PTPRU: variants seen among roughly 807,000 people sequenced by gnomAD.
PTPRU encodes receptor-type tyrosine-protein phosphatase U.
A neutral mutation model predicts 166.3 loss-of-function variants in PTPRU; 69 were observed. The ratio of observed to expected loss-of-function variants is 0.41; its 90% CI spans 0.34 to 0.51. The LOEUF is 0.51. Among genes scored for constraint, PTPRU ranks in the 20% least tolerant of loss-of-function variants. The pLI is 0.09. For synonymous variants in PTPRU, 793 were observed against 814.0 expected, an observed-to-expected ratio of 0.97 and a Z score of 0.44; for missense variants, 1,657 against 2,013.7, an observed-to-expected ratio of 0.82 and a Z score of 3.39.
Position 29,272,305 on chromosome 1 carries a change from G to T in PTPRU, c.1145-3143G>T, listed in dbSNP as rs547021380. 4.2e-4 allele frequency among the ~76,000 whole-genome samples: 64 copies of T among 152,330 alleles called. 1 individual carries two copies. Among genetic ancestry groups the T allele is most frequent in the African/African-American group, 1.5e-3 (61 of 41,570 alleles). ...CAGCCAGCCCCTCAGTGTCCATATG[G>T]GATGGGATTTGGGTGGTCCCTGCTT... On this transcript the variant is annotated intron_variant, in intron 7 of 29. Transcript: ENST00000373779.
At chr1:29,283,759 T>C in intron 12 of PTPRU, 181 bp from the exon 13 acceptor site, 1 of 676,826 alleles carries the variant, frequency 1.5e-6, no homozygotes. Context: ...TGCAGGTGCC[T>C]CCCCTCTAGG....
In PTPRU at chr1:29,275,503, G is replaced by A. The variant is rs758595009; in HGVS notation, c.1200G>A (p.Leu400=). ...LAFAEIQARQ[L]TLQWEPLGYN... ...TTGCTGAGATCCAGGCCCGTCAGCT[G>A]ACCCTGCAGTGGGAACCACTGGGCT... The change falls in exon 8 of 30, where the codon CTG becomes CTA. Residue 400 remains leucine (L), a synonymous_variant. Coordinates refer to ENST00000373779, the MANE Select transcript of PTPRU (RefSeq NM_133178.4). 2 of 1,614,172 alleles carry A rather than the reference G, an allele frequency of 1.2e-6. No individual in the cohort carries two copies. The highest frequency in any genetic ancestry group is 1.7e-6 in the Non-Finnish European group (2 of 1,180,028).
chr1:29,322,184 C>T (rs989399099), intron 26 of PTPRU, among the ~76,000 whole-genome samples: 1 of 152,314 alleles, frequency 6.6e-6, no homozygotes, highest in East Asian at 1.9e-4. Context: ...AGGGGAGAGG[C>T]CCAGAGGGAG....
chr1:29,259,825 C>T (rs769195379), intron 5 of PTPRU, 45 bp from the exon 6 acceptor site: 773 of 1,494,506 alleles, frequency 5.2e-4, no homozygotes, highest in Non-Finnish European at 6.4e-4. Context: ...GATCGGGACC[C>T]CTCGCTCCGA....
intron 22 of PTPRU, 126 bp downstream of exon 22, chr1:29,312,832 G>A (rs1687729489): frequency 7.8e-7 from 1 of 1,275,188 alleles, no homozygotes; most frequent in Non-Finnish European, 1.0e-6. Flanking sequence ...GAGATGGAGT[G>A]CAGGAGGGAA....
chr1:29,273,832 T>C (rs1317027596), intron 7 of PTPRU, among the ~76,000 whole-genome samples: 3 of 152,106 alleles, frequency 2.0e-5, no homozygotes, highest in Non-Finnish European at 2.9e-5. Context: ...TGAATTCCTA[T>C]TGGGGAGGTG....
At chr1:29,290,983 C>T (rs760603242) in intron 14 of PTPRU, among the ~76,000 whole-genome samples, 55 of 152,306 alleles carry the variant, frequency 3.6e-4, no homozygotes, top group Middle Eastern at 3.4e-3. Context: ...TGCTCAGTGA[C>T]GGGTCCTCTC....
rs1253003851 is a variant in PTPRU at position 29,279,389 on chromosome 1, G to A, written c.1564-67G>A. On this transcript the variant is annotated intron_variant, in intron 9 of 29. Coordinates refer to ENST00000373779, the MANE Select transcript of PTPRU (RefSeq NM_133178.4). The surrounding 1 kb of genome is among the most constrained non-coding windows in gnomAD (Gnocchi z 5.2). ...CTCTCACTTCCCTGGGACATGGTGG[G>A]TGGAGGCTGCTGGTCAGGGATGCTC... 14 of 1,502,266 alleles carry A rather than the reference G, an allele frequency of 9.3e-6. No individual in the cohort carries two copies. Among genetic ancestry groups the A allele is most frequent in the Non-Finnish European group, 1.3e-5 (14 of 1,080,172 alleles). The allele number at this position is 1,502,266 out of a possible 1,614,324, so 93.1% of individuals were successfully genotyped here.
rs149742017 is a variant in PTPRU at position 29,317,852 on chromosome 1, C to T, written c.3618C>T (p.Asp1206=). The T allele has an allele frequency of 6.1e-5, 99 of 1,614,046 alleles. No individual in the cohort carries two copies. In the African/African-American group the frequency reaches 1.1e-3, roughly 18 times the overall value. ...KNRSMDVLPP[D]RCLPFLISTD... ...GCAGCATGGACGTCCTGCCGCCCGA[C>T]CGCTGCCTGCCCTTCCTCATCTCCA... is the stretch of plus-strand genomic sequence containing the variant. The change falls in exon 25 of 30, where the codon GAC becomes GAT. Residue 1206 remains aspartate, a synonymous_variant. Coordinates refer to ENST00000373779, the MANE Select transcript of PTPRU (RefSeq NM_133178.4). The surrounding 1 kb of genome is among the most constrained non-coding windows in gnomAD (Gnocchi z 5.6).
intron 3 of PTPRU, 114 bp downstream of exon 3, chr1:29,258,890 C>A: frequency 7.0e-7 from 1 of 1,423,054 alleles, no homozygotes; most frequent in Non-Finnish European, 9.3e-7. Flanking sequence ...CATTCAGTAT[C>A]AGAGGCAACC....
In PTPRU at chr1:29,236,548, G is replaced by T. The variant is rs528252386; in HGVS notation, c.-97G>T. ...GTCCCGCTCCGCGCCGCGCCGCTCC[G>T]CTCCGGCTCGGGCTCCGGCTCGCCT... On this transcript the variant is annotated 5_prime_UTR_variant, in exon 1 of 30. Transcript: ENST00000373779. This position sits in a 1 kb window ranked among gnomAD's most constrained non-coding sequence, Gnocchi z 4.6. 243 of 979,960 alleles carry T rather than the reference G, an allele frequency of 2.5e-4. 1 individual carries two copies. In the African/African-American group the frequency reaches 3.8e-3, roughly 15 times the overall value. 60.7% of individuals were successfully genotyped at this position (979,960 alleles called of 1,614,324 possible).
intron 7 of PTPRU, among the ~76,000 whole-genome samples, chr1:29,273,809 C>G (rs1177197136): frequency 6.6e-6 from 1 of 152,140 alleles, no homozygotes; most frequent in East Asian, 1.9e-4. Context: ...CTCGCTCTCT[C>G]CTGAGGCATC....
At chr1:29,251,392 G>A (rs1199761682) in intron 1 of PTPRU, among the ~76,000 whole-genome samples, 1 of 152,192 alleles carries the variant, frequency 6.6e-6, no homozygotes, top group Non-Finnish European at 1.5e-5. Flanking sequence ...GCTGGGGTGT[G>A]CAGGTCTGGG....
At chr1:29,293,125 G>A (rs1230286137) in intron 15 of PTPRU, among the ~76,000 whole-genome samples, 1 of 152,146 alleles carries the variant, frequency 6.6e-6, no homozygotes, top group African/African-American at 2.4e-5. Context: ...GATTACAGGT[G>A]TGCGCCACCA....
rs1015592432 is a variant in PTPRU, at chr1:29,291,360, C to T, written c.2319-509C>T. Among the ~76,000 whole-genome samples the T allele has an allele frequency of 6.6e-6, 1 of 152,004 alleles. No homozygotes were observed. Among genetic ancestry groups the T allele is most frequent in the Non-Finnish European group, 1.5e-5 (1 of 67,988 alleles). The stretch of plus-strand genomic sequence containing the variant: ...GGCTGAGCACAAGCTAGACTCTCTG[C>T]GGGGAAGGAGGGGTGTAGTCCCTCC... On this transcript the variant is annotated intron_variant, in intron 14 of 29. Transcript: ENST00000373779. The surrounding 1 kb of genome is among the most constrained non-coding windows in gnomAD (Gnocchi z 4.1).
intron 1 of PTPRU, among the ~76,000 whole-genome samples, chr1:29,254,270 C>T (rs1684677392): frequency 1.3e-5 from 2 of 152,216 alleles, no homozygotes; most frequent in Admixed American, 1.3e-4. Flanking sequence ...GAGAAGCTTG[C>T]AATTCCTTTC....
chr1:29,316,361 C>T (rs960046348), intron 24 of PTPRU, among the ~76,000 whole-genome samples: 3 of 152,172 alleles, frequency 2.0e-5, no homozygotes, highest in Non-Finnish European at 2.9e-5. Flanking sequence ...GCTTTGAAGT[C>T]AGATAAACCC....
intron 28 of PTPRU, among the ~76,000 whole-genome samples, chr1:29,324,082 T>C (rs1276123477): frequency 1.3e-5 from 2 of 152,186 alleles, no homozygotes; most frequent in African/African-American, 2.4e-5. Context: ...CCCCATGAGA[T>C]TGTGGCACAC....
chr1:29,282,310 C>T (rs1282932449), intron 11 of PTPRU, among the ~76,000 whole-genome samples: 4 of 152,294 alleles, frequency 2.6e-5, no homozygotes, highest in Non-Finnish European at 4.4e-5. Context: ...GGTCTTGTGT[C>T]ACACACACAG....
Sources: gnomAD v4.1 joint callset for allele counts (sites outside exome capture counted in the v4.1 genomes callset) on GRCh38, gnomAD v4.1.1 for gene constraint, Gnocchi (gnomAD v3.1) non-coding constraint, MANE v1.5 for transcripts, NCBI Gene and HGNC (gene_info 2026-07-23, HGNC 2026-07-21) for gene names.